The following MBD5 variants were observed in gnomAD, a reference collection of about 807,000 sequenced individuals.
MBD5 encodes methyl-CpG-binding domain protein 5.
Under a neutral mutation model 117.3 loss-of-function variants are expected in MBD5, and 13 were observed. The observed-to-expected ratio is 0.11, with a 90% CI of 0.07 to 0.18. The LOEUF (loss-of-function observed/expected upper bound fraction) is 0.18. Among genes scored for constraint, MBD5 ranks in the 10% least tolerant of loss-of-function variants. The pLI, the probability that MBD5 is intolerant of heterozygous loss-of-function variation, is 1.00. For missense variants in MBD5, 1,879 were observed against 2,093.8 expected (o/e 0.90, Z 2.00); for synonymous variants, 727 against 766.4 (o/e 0.95, Z 0.85).
At chr2:148,306,112 G>A (rs1004920532) in intron 3 of MBD5, among the ~76,000 whole-genome samples, 2 of 152,156 alleles carry the variant, frequency 1.3e-5, no homozygotes, top group African/African-American at 4.8e-5. Context: ...GGCTAGGATA[G>A]CAAGCCAAGA....
intron 10 of MBD5, among the ~76,000 whole-genome samples, chr2:148,488,601 CT>C (rs1681411755): frequency 7.2e-6 from 1 of 139,354 alleles, no homozygotes; most frequent in Non-Finnish European, 1.5e-5. Flanking sequence ...GGAAAAAAAT[CT>C]GAAAGTTCAA....
chr2:148,026,322 T>C (rs185258723), intron 1 of MBD5: 12 of 152,268 alleles, frequency 7.9e-5, no homozygotes, highest in Admixed American at 7.2e-4. Context: ...ATGGCCCTGA[T>C]AGCTTCACAG....
intron 3 of MBD5, among the ~76,000 whole-genome samples, chr2:148,322,210 G>A (rs1489279405): frequency 6.6e-6 from 1 of 152,200 alleles, no homozygotes; most frequent in Non-Finnish European, 1.5e-5. Flanking sequence ...ATTGACCTGA[G>A]AAAATATGGA....
intron 4 of MBD5, among the ~76,000 whole-genome samples, chr2:148,451,494 A>T (rs1378949162): frequency 6.6e-6 from 1 of 152,120 alleles, no homozygotes; most frequent in Non-Finnish European, 1.5e-5. Flanking sequence ...AATAATTGAT[A>T]TGAGGGTGAA....
chr2:148,331,915 A>G (rs1702668323), intron 3 of MBD5, among the ~76,000 whole-genome samples: 1 of 152,168 alleles, frequency 6.6e-6, no homozygotes, highest in African/African-American at 2.4e-5. Flanking sequence ...CACTCAAAAA[A>G]CACTTGCATT....
chr2:148,155,836 AG>A (rs748742749), intron 1 of MBD5, among the ~76,000 whole-genome samples: 21 of 152,340 alleles, frequency 1.4e-4, no homozygotes, highest in Non-Finnish European at 2.4e-4. Flanking sequence ...AAGCACTTTG[AG>A]GGCAAGCACT....
intron 1 of MBD5, among the ~76,000 whole-genome samples, chr2:148,126,320 C>A (rs898184759): frequency 2.7e-5 from 4 of 148,798 alleles, no homozygotes; most frequent in African/African-American, 9.9e-5. Flanking sequence ...GCAGGAGAAT[C>A]GCTTGAACCC....
At chr2:148,214,219 T>G (rs1332916570) in intron 2 of MBD5, among the ~76,000 whole-genome samples, 1 of 152,208 alleles carries the variant, frequency 6.6e-6, no homozygotes, top group Non-Finnish European at 1.5e-5. Context: ...ATTTTAGGAC[T>G]TGAGACCCAG....
chr2:148,117,235 C>G (rs893374250), intron 1 of MBD5, among the ~76,000 whole-genome samples: 2 of 150,964 alleles, frequency 1.3e-5, no homozygotes, highest in African/African-American at 4.9e-5. Context: ...GAGATTATGA[C>G]GAAAAGTTAG....
chr2:148,445,896 C>G (rs1275771858), intron 4 of MBD5, among the ~76,000 whole-genome samples: 1 of 151,408 alleles, frequency 6.6e-6, no homozygotes, highest in Non-Finnish European at 1.5e-5. Flanking sequence ...TGATGATGAG[C>G]ATTTTTTCAT....
At chr2:148,342,564 T>C (rs947262873) in intron 4 of MBD5, among the ~76,000 whole-genome samples, 7 of 151,964 alleles carry the variant, frequency 4.6e-5, no homozygotes, top group Non-Finnish European at 8.8e-5. Flanking sequence ...AAAAATATAG[T>C]TATCCTACCA....
intron 4 of MBD5, among the ~76,000 whole-genome samples, chr2:148,385,253 A>C (rs1326318394): frequency 6.6e-6 from 1 of 152,234 alleles, no homozygotes; most frequent in African/African-American, 2.4e-5. Context: ...CAATGAACTC[A>C]AACAAATTTA....
intron 3 of MBD5, among the ~76,000 whole-genome samples, chr2:148,252,301 T>C (rs2106250014): frequency 6.6e-6 from 1 of 151,740 alleles, no homozygotes; most frequent in East Asian, 1.9e-4. Flanking sequence ...CTCTACAAAA[T>C]ACAAAAAAAA....
intron 4 of MBD5, among the ~76,000 whole-genome samples, chr2:148,417,964 CG>C (rs1705475555): frequency 6.6e-6 from 1 of 151,950 alleles, no homozygotes; most frequent in Non-Finnish European, 1.5e-5. Context: ...CTCAGCCTCA[CG>C]AGTAGCTGAG....
chr2:148,497,370 A>T lies in MBD5; in HGVS notation c.4963-5066A>T, dbSNP rs375962415. On this transcript the variant is annotated intron_variant, in intron 11 of 13. Transcript: ENST00000642680. ...ACTTGTATTTTTCTAATGTAAACTTATATGAATAATATAACTATTAAAAAT... is the reference window on the plus strand; with the variant it reads ...ACTTGTATTTTTCTAATGTAAACTTTTATGAATAATATAACTATTAAAAAT... Among the ~76,000 whole-genome samples, 9 of 152,290 alleles carry T rather than the reference A, an allele frequency of 5.9e-5. No individual in the cohort carries two copies. The East Asian group carries it at 1.4e-3, about 23-fold the overall frequency.
At chr2:148,511,021 C>A (rs868761539) in intron 13 of MBD5, among the ~76,000 whole-genome samples, 9 of 152,046 alleles carry the variant, frequency 5.9e-5, no homozygotes, top group African/African-American at 2.2e-4. Flanking sequence ...GGGTAGGCTA[C>A]CAATCTAGAG....
At position 148,412,002 on chromosome 2, in the gene MBD5, TTTCA is replaced by T. The variant is rs149189059; in HGVS notation, c.-556-46199_-556-46196del. On this transcript the variant is annotated intron_variant, in intron 4 of 13. Transcript: ENST00000642680. The stretch of plus-strand genomic sequence containing the variant: ...TAGTTTAAAGTTTTACATTTAAGTC[TTTCA>T]TCTATCTTAAGTTTGTTTTTCTATA... Among the ~76,000 whole-genome samples the T allele has an allele frequency of 5.5e-3, 843 of 152,260 alleles. 8 individuals carry two copies. Among genetic ancestry groups the T allele is most frequent in the African/African-American group, 0.02 (816 of 41,536 alleles).
At chr2:148,049,266 T>C (rs1185599414) in intron 1 of MBD5, among the ~76,000 whole-genome samples, 1 of 152,126 alleles carries the variant, frequency 6.6e-6, no homozygotes, top group Non-Finnish European at 1.5e-5. Flanking sequence ...GGCAAGTGGA[T>C]TTCGTGCACC....
chr2:148,499,118 AC>A, intron 11 of MBD5, among the ~76,000 whole-genome samples: 1 of 151,994 alleles, frequency 6.6e-6, no homozygotes, highest in Middle Eastern at 3.4e-3. Flanking sequence ...TATAATGAGA[AC>A]CCTGTTTCTA....
Sources: allele counts gnomAD v4.1 joint callset (sites outside exome capture counted in the v4.1 genomes callset), GRCh38; gene constraint gnomAD v4.1.1; transcripts MANE v1.5; gene names NCBI Gene and HGNC (gene_info 2026-07-23, HGNC 2026-07-21).